The following NUMB variants were observed in gnomAD, a reference collection of about 807,000 sequenced individuals.
The protein encoded by NUMB is protein numb homolog.
In NUMB, 29 loss-of-function variants were observed where a neutral mutation model predicts 59.7. That is an observed-to-expected ratio of 0.49 (90% CI 0.36 to 0.66). The LOEUF (loss-of-function observed/expected upper bound fraction) is 0.66, where lower values mean the gene tolerates loss of function less well. Ranked by LOEUF, NUMB falls within the 30% of genes least tolerant of loss-of-function variation. The pLI is 0.00. For synonymous variants in NUMB, 288 were observed against 288.2 expected, an observed-to-expected ratio of 1.00 and a Z score of 0.01; for missense variants, 723 against 822.0, an observed-to-expected ratio of 0.88 and a Z score of 1.47.
At chr14:73,417,711 C>G (rs1897190962) in intron 1 of NUMB, among the ~76,000 whole-genome samples, 1 of 152,132 alleles carries the variant, frequency 6.6e-6, no homozygotes, top group Non-Finnish European at 1.5e-5. Flanking sequence ...AAAGTAGAGA[C>G]TCAAACAGAT....
At chr14:73,411,463 T>C (rs1427643593) in intron 1 of NUMB, among the ~76,000 whole-genome samples, 1 of 152,052 alleles carries the variant, frequency 6.6e-6, no homozygotes, top group Non-Finnish European at 1.5e-5. Context: ...TCACACACCT[T>C]CCAGGAGACA....
intron 2 of NUMB, among the ~76,000 whole-genome samples, chr14:73,381,966 GC>G (rs980721608): frequency 9.4e-4 from 143 of 152,278 alleles, no homozygotes; most frequent in African/African-American, 3.2e-3. Flanking sequence ...TCAAACCAGA[GC>G]TTTTGGAAAC....
At chr14:73,365,153 C>T (rs1181294853) in intron 3 of NUMB, among the ~76,000 whole-genome samples, 1 of 152,110 alleles carries the variant, frequency 6.6e-6, no homozygotes, top group East Asian at 1.9e-4. Context: ...AATTCTCGTG[C>T]CTCAGCCTGC....
intron 1 of NUMB, among the ~76,000 whole-genome samples, chr14:73,448,950 G>T (rs973331717): frequency 2.1e-4 from 32 of 151,762 alleles, no homozygotes; most frequent in African/African-American, 7.3e-4. Context: ...GTATCCATGG[G>T]TCCCACACAG....
intron 2 of NUMB, among the ~76,000 whole-genome samples, chr14:73,368,746 G>C (rs1256458998): frequency 6.6e-6 from 1 of 152,020 alleles, no homozygotes. Flanking sequence ...ATCAAGAAAA[G>C]GAATATTAAA....
intron 1 of NUMB, among the ~76,000 whole-genome samples, chr14:73,436,025 T>C (rs1263958322): frequency 2.0e-5 from 3 of 148,806 alleles, no homozygotes; most frequent in African/African-American, 7.4e-5. Flanking sequence ...AAAAAGAAAA[T>C]GACACAAATA....
At chr14:73,330,558 T>G (rs1891913256) in intron 4 of NUMB, among the ~76,000 whole-genome samples, 1 of 152,230 alleles carries the variant, frequency 6.6e-6, no homozygotes, top group Admixed American at 6.5e-5. Flanking sequence ...TGTCTGTGTC[T>G]CAATTTCCTC....
chr14:73,351,992 T>A (rs1000149215), intron 4 of NUMB, among the ~76,000 whole-genome samples: 18 of 150,396 alleles, frequency 1.2e-4, no homozygotes, highest in South Asian at 2.1e-4. Context: ...TAAAATAAAA[T>A]AAAAATAAAA....
intron 2 of NUMB, among the ~76,000 whole-genome samples, chr14:73,371,926 A>G (rs1894691542): frequency 6.6e-6 from 1 of 151,796 alleles, no homozygotes. Context: ...CAGCAGCACA[A>G]ATGGGTTAAG....
chr14:73,406,103 T>G (rs796513938), intron 2 of NUMB, among the ~76,000 whole-genome samples: 2 of 149,376 alleles, frequency 1.3e-5, no homozygotes, highest in Admixed American at 1.3e-4. Flanking sequence ...TTTTTTTTTT[T>G]TTTTATTATA....
intron 1 of NUMB, among the ~76,000 whole-genome samples, chr14:73,452,145 A>G (rs1884029640): frequency 6.6e-6 from 1 of 152,160 alleles, no homozygotes; most frequent in Admixed American, 6.5e-5. Flanking sequence ...GGATCACCTG[A>G]GACCAGGAGT....
rs370301394 is a variant in NUMB at position 73,292,890 on chromosome 14, C to A, written c.310-16G>T. The A allele has an allele frequency of 2.5e-6, 4 of 1,613,256 alleles. No individual in the cohort carries two copies. In the African/African-American group the frequency reaches 5.3e-5, roughly 22 times the overall value. On this transcript the variant is annotated splice_polypyrimidine_tract_variant and intron_variant, in intron 7 of 12. Transcript: ENST00000555238. ...CTATGAGGTCCTAGAAAATACGACA[C>A]ACAAAGAAAGAGAAGACTTATGAGG...
intron 6 of NUMB, among the ~76,000 whole-genome samples, chr14:73,302,101 A>T (rs545839976): frequency 1.6e-4 from 25 of 152,226 alleles, no homozygotes; most frequent in Admixed American, 9.2e-4. Flanking sequence ...AAAAAAATAA[A>T]AAAAATTGTG....
At chr14:73,350,624 T>C (rs1468720419) in intron 4 of NUMB, among the ~76,000 whole-genome samples, 2 of 151,406 alleles carry the variant, frequency 1.3e-5, no homozygotes, top group Non-Finnish European at 2.9e-5. Context: ...CATGGCTCAC[T>C]GGGCTCAAGT....
chr14:73,378,635 T>C (rs572839124), intron 2 of NUMB, among the ~76,000 whole-genome samples: 2 of 152,166 alleles, frequency 1.3e-5, no homozygotes, highest in African/African-American at 4.8e-5. Context: ...TATTACTAAG[T>C]GAAAAAAGCC....
chr14:73,332,444 G>T (rs1375776196), intron 4 of NUMB, among the ~76,000 whole-genome samples: 3 of 151,888 alleles, frequency 2.0e-5, no homozygotes, highest in African/African-American at 7.3e-5. Flanking sequence ...AGTAGAGATA[G>T]AGTTTCACCA....
chr14:73,279,419 C>T lies in NUMB; in HGVS notation c.1102G>A (p.Gly368Ser). ...APQSPTFQAN[G>S]TDSAFHVLAK... is the part of the protein sequence containing the mutation. ...AGCACATGGAAGGCTGAGTCAGTGC[C>T]ATTAGCTACAACGGGAGCAGACAAC... The change falls in exon 12 of 13, where the codon GGC becomes AGC. Residue 368 changes from glycine (G) to serine (S), a missense_variant. Coordinates refer to ENST00000555238, the MANE Select transcript of NUMB (RefSeq NM_001005743.2). 1.3e-6 allele frequency: 2 copies of T among 1,581,432 alleles called. No homozygotes were observed. Among genetic ancestry groups the T allele is most frequent in the Non-Finnish European group, 1.7e-6 (2 of 1,164,016 alleles).
chr14:73,395,341 G>T (rs891193770), intron 2 of NUMB, among the ~76,000 whole-genome samples: 2 of 151,974 alleles, frequency 1.3e-5, no homozygotes, highest in Non-Finnish European at 2.9e-5. Context: ...AGGGGTGGTG[G>T]GCTGGGCGTG....
At chr14:73,322,600 A>G (rs1482704024) in intron 5 of NUMB, among the ~76,000 whole-genome samples, 2 of 152,198 alleles carry the variant, frequency 1.3e-5, no homozygotes, top group Admixed American at 1.3e-4. Flanking sequence ...TTTTTACAGT[A>G]TATTTAAAAC....
Sources: allele counts gnomAD v4.1 joint callset (sites outside exome capture counted in the v4.1 genomes callset), GRCh38; gene constraint gnomAD v4.1.1; transcripts MANE v1.5; gene names NCBI Gene and HGNC (gene_info 2026-07-23, HGNC 2026-07-21).